The following CDH11 variants were observed in gnomAD, a reference collection of about 807,000 sequenced individuals.
The protein encoded by CDH11 is cadherin-11.
A neutral mutation model predicts 67.8 loss-of-function variants in CDH11; 11 were observed. The ratio of observed to expected loss-of-function variants is 0.16; its 90% CI spans 0.10 to 0.27. The LOEUF is 0.27. Among genes scored for constraint, CDH11 ranks in the 10% least tolerant of loss-of-function variants. The probability of loss-of-function intolerance (pLI) is 1.00; values close to 1 mark genes in which losing one functional copy is unlikely to be tolerated. For missense variants in CDH11, 847 were observed against 1,031.2 expected (o/e 0.82, Z 2.45); for synonymous variants, 419 against 400.0 (o/e 1.05, Z -0.57).
intron 2 of CDH11, among the ~76,000 whole-genome samples, chr16:65,045,073 C>T (rs535377837): frequency 6.6e-6 from 1 of 151,720 alleles, no homozygotes; most frequent in African/African-American, 2.4e-5. Context: ...AAGATAAAAC[C>T]ACACAAAGGC....
intron 6 of CDH11, among the ~76,000 whole-genome samples, chr16:64,988,769 CT>C (rs1173722992): frequency 6.6e-6 from 1 of 152,176 alleles, no homozygotes; most frequent in African/African-American, 2.4e-5. Context: ...AAAAAATTCT[CT>C]GTTTAAAAGC....
chr16:65,010,998 T>A (rs1194595362), intron 2 of CDH11, among the ~76,000 whole-genome samples: 1 of 118,016 alleles, frequency 8.5e-6, no homozygotes, highest in Non-Finnish European at 1.8e-5. Context: ...CACACACATA[T>A]GTATATGTAT....
chr16:64,986,518 G>A (rs1030418555), intron 7 of CDH11: 1 of 151,930 alleles, frequency 6.6e-6, no homozygotes, highest in East Asian at 1.9e-4. Flanking sequence ...GAACAGCAAA[G>A]GATGGGAGGC....
chr16:65,054,065 C>T lies in CDH11; in HGVS notation c.-297-137G>A, dbSNP rs116140965. 271 of 354,942 alleles carry T rather than the reference C, an allele frequency of 7.6e-4. 1 individual carries two copies. Among genetic ancestry groups the T allele is most frequent in the African/African-American group, 5.4e-3 (253 of 47,012 alleles). The allele number at this position is 354,942 out of a possible 1,614,324, so 22.0% of individuals were successfully genotyped here. A position where few individuals can be genotyped will look rare whatever the true frequency, so the allele number is the denominator to read the frequency against. On this transcript the variant is annotated intron_variant, in intron 1 of 12. Transcript: ENST00000268603. ...CCAGGTGTGCAAAGAGAGAGAGAAA[C>T]AAATTACTAAAATTACGTGAAAAGT...
At chr16:65,106,366 T>A (rs1203569525) in intron 1 of CDH11, among the ~76,000 whole-genome samples, 1 of 152,176 alleles carries the variant, frequency 6.6e-6, no homozygotes, top group East Asian at 1.9e-4. Context: ...ATACAAAACA[T>A]AGAAACCTTA....
At chr16:64,956,251 T>C (rs2071507493) in intron 11 of CDH11, among the ~76,000 whole-genome samples, 1 of 152,226 alleles carries the variant, frequency 6.6e-6, no homozygotes, top group South Asian at 2.1e-4. Flanking sequence ...AAACTAATAA[T>C]TTTAGGTTAA....
At chr16:65,084,728 T>C (rs901565467) in intron 1 of CDH11, among the ~76,000 whole-genome samples, 1 of 152,164 alleles carries the variant, frequency 6.6e-6, no homozygotes, top group African/African-American at 2.4e-5. Context: ...TTACATGTGT[T>C]TTTGTATAAT....
Position 64,948,029 on chromosome 16 carries a change from ATCT to A in CDH11, c.1962_1964del (p.Glu654del), listed in dbSNP as rs768421766. On this transcript the variant is annotated inframe_deletion, in exon 13 of 13. Coordinates refer to ENST00000268603, the MANE Select transcript of CDH11 (RefSeq NM_001797.4). The stretch of plus-strand genomic sequence containing the variant: ...CATAAGTAATGATGTTCTCACGGAC[ATCT>A]TCTTCCTCAAAGACAATGAGTGGTT... The A allele has an allele frequency of 5.0e-6, 8 of 1,614,058 alleles. No homozygotes were observed. The highest frequency in any genetic ancestry group is 6.8e-6 in the Non-Finnish European group (8 of 1,180,040).
chr16:64,953,009 C>CA (rs1474208103), intron 11 of CDH11, among the ~76,000 whole-genome samples: 1 of 152,236 alleles, frequency 6.6e-6, no homozygotes, highest in East Asian at 1.9e-4. Flanking sequence ...ATAACCTACA[C>CA]ACATTCTCCC....
At chr16:65,097,609 G>A (rs1319236233) in intron 1 of CDH11, among the ~76,000 whole-genome samples, 1 of 152,128 alleles carries the variant, frequency 6.6e-6, no homozygotes, top group Non-Finnish European at 1.5e-5. Context: ...TCCTCTGGGG[G>A]CAAAATCATT....
At chr16:65,051,887 T>C (rs1164562364) in intron 2 of CDH11, among the ~76,000 whole-genome samples, 1 of 152,230 alleles carries the variant, frequency 6.6e-6, no homozygotes, top group Admixed American at 6.5e-5. Flanking sequence ...CACTTTCATT[T>C]ATAAACTACC....
chr16:65,098,719 C>G (rs2074940368), intron 1 of CDH11, among the ~76,000 whole-genome samples: 2 of 152,088 alleles, frequency 1.3e-5, no homozygotes, highest in African/African-American at 2.4e-5. Context: ...TCTGGAATAT[C>G]ATAGGTGCTT....
intron 1 of CDH11, among the ~76,000 whole-genome samples, chr16:65,089,761 T>C (rs2074763920): frequency 6.6e-6 from 1 of 152,200 alleles, no homozygotes; most frequent in Non-Finnish European, 1.5e-5. Flanking sequence ...AAACAGCATA[T>C]AATTAATTCT....
intron 1 of CDH11, among the ~76,000 whole-genome samples, chr16:65,065,658 C>G (rs1283908815): frequency 6.6e-6 from 1 of 152,128 alleles, no homozygotes; most frequent in African/African-American, 2.4e-5. Context: ...AATTATTGGG[C>G]TGCTTAGAAC....
At chr16:64,992,883 G>A (rs116476525) in intron 5 of CDH11, 32 bp downstream of exon 5, 2 of 1,605,884 alleles carry the variant, frequency 1.2e-6, no homozygotes, top group Non-Finnish European at 1.7e-6. Flanking sequence ...TATTCACCAT[G>A]TGTCACAAAT....
chr16:64,961,493 C>A (rs954606907), intron 11 of CDH11, among the ~76,000 whole-genome samples: 2 of 152,034 alleles, frequency 1.3e-5, no homozygotes, highest in African/African-American at 4.8e-5. Context: ...AATTTTGATA[C>A]CAGTTTTTAG....
intron 1 of CDH11, among the ~76,000 whole-genome samples, chr16:65,114,927 T>C (rs1344847361): frequency 6.6e-6 from 1 of 152,202 alleles, no homozygotes; most frequent in Non-Finnish European, 1.5e-5. Context: ...AGTCTATTTA[T>C]GAGTTAAAAC....
chr16:65,079,028 G>C (rs1324080743), intron 1 of CDH11, among the ~76,000 whole-genome samples: 1 of 152,198 alleles, frequency 6.6e-6, no homozygotes, highest in African/African-American at 2.4e-5. Flanking sequence ...TGAGTCATTA[G>C]CAAGGTCCAC....
At chr16:64,958,196 G>A (rs1404877051) in intron 11 of CDH11, among the ~76,000 whole-genome samples, 1 of 152,160 alleles carries the variant, frequency 6.6e-6, no homozygotes, top group African/African-American at 2.4e-5. Context: ...GCACTGTTGT[G>A]TGTGTTGACA....
Sources: allele counts gnomAD v4.1 joint callset (sites outside exome capture counted in the v4.1 genomes callset), GRCh38; gene constraint gnomAD v4.1.1; transcripts MANE v1.5; gene names NCBI Gene and HGNC (gene_info 2026-07-23, HGNC 2026-07-21).